Variants in DLG2 observed in about 807,000 individuals in gnomAD.
The protein encoded by DLG2 is disks large homolog 2.
Under a neutral mutation model 132.5 loss-of-function variants are expected in DLG2, and 45 were observed. The observed-to-expected ratio is 0.34, with a 90% CI of 0.27 to 0.44. The LOEUF is 0.44. Among genes scored for constraint, DLG2 ranks in the 20% least tolerant of loss-of-function variants. The probability of loss-of-function intolerance (pLI) is 1.00; values close to 1 mark genes in which losing one functional copy is unlikely to be tolerated. For missense variants in DLG2, 1,045 were observed against 1,196.9 expected, an observed-to-expected ratio of 0.87 and a Z score of 1.87; for synonymous variants, 424 against 419.6, an observed-to-expected ratio of 1.01 and a Z score of -0.13.
intron 6 of DLG2, among the ~76,000 whole-genome samples, chr11:84,835,784 T>C (rs1447890105): frequency 2.6e-5 from 4 of 151,792 alleles, no homozygotes; most frequent in Non-Finnish European, 5.9e-5. Context: ...TATATTTTAA[T>C]GCTATTTAAT....
At chr11:83,603,994 GC>G (rs1306255940) in intron 19 of DLG2, among the ~76,000 whole-genome samples, 2 of 152,088 alleles carry the variant, frequency 1.3e-5, no homozygotes, top group Non-Finnish European at 2.9e-5. Flanking sequence ...TCTCTAAACT[GC>G]TGGTATGAGT....
intron 21 of DLG2, among the ~76,000 whole-genome samples, chr11:83,495,660 C>T (rs567774899): frequency 6.6e-6 from 1 of 152,206 alleles, no homozygotes; most frequent in South Asian, 2.1e-4. Flanking sequence ...TGGCTCTCCC[C>T]AAAACAATAT....
rs563788092 is a variant in DLG2, at chr11:85,011,666, C to T, written c.357+99995G>A. Among the ~76,000 whole-genome samples the T allele has an allele frequency of 1.4e-3, 209 of 152,158 alleles. 1 individual carries two copies. The highest frequency in any genetic ancestry group is 4.8e-3 in the African/African-American group (201 of 41,526). ...GAGTTAAATTATTCTTAATGATTTC[C>T]TCTATAAGAAATTTTTCACTTCATG... On this transcript the variant is annotated intron_variant, in intron 6 of 27. Coordinates refer to ENST00000376104, the MANE Select transcript of DLG2 (RefSeq NM_001142699.3).
chr11:83,594,320 T>C (rs1344371830), intron 19 of DLG2, among the ~76,000 whole-genome samples: 1 of 152,234 alleles, frequency 6.6e-6, no homozygotes, highest in East Asian at 1.9e-4. Flanking sequence ...CCCTGATTGG[T>C]ATGTACTGTG....
chr11:85,465,308 T>A (rs1435922041), intron 3 of DLG2, among the ~76,000 whole-genome samples: 4 of 150,826 alleles, frequency 2.7e-5, no homozygotes, highest in African/African-American at 9.7e-5. Context: ...AACTGGCTAA[T>A]TTTTTTTTAA....
At chr11:85,444,985 G>C (rs1002961485) in intron 3 of DLG2, among the ~76,000 whole-genome samples, 1 of 152,154 alleles carries the variant, frequency 6.6e-6, no homozygotes, top group Non-Finnish European at 1.5e-5. Context: ...AAAAGGATTA[G>C]GAGGTTGAAT....
intron 4 of DLG2, among the ~76,000 whole-genome samples, chr11:85,255,835 C>G (rs1307179453): frequency 6.6e-6 from 1 of 152,004 alleles, no homozygotes; most frequent in Non-Finnish European, 1.5e-5. Flanking sequence ...AAAAAATGAG[C>G]AAGACTGAGT....
At chr11:84,146,409 T>C (rs1363016344) in intron 9 of DLG2, among the ~76,000 whole-genome samples, 1 of 152,200 alleles carries the variant, frequency 6.6e-6, no homozygotes, top group Non-Finnish European at 1.5e-5. Flanking sequence ...TTACATGATA[T>C]GTGATATTAC....
At chr11:83,537,804 T>A (rs2095924591) in intron 20 of DLG2, among the ~76,000 whole-genome samples, 1 of 51,036 alleles carries the variant, frequency 2.0e-5, no homozygotes, top group South Asian at 7.4e-4. Context: ...TGAGACTCTG[T>A]CTCAAAAAAA....
chr11:85,465,301 TG>T (rs1048586003), intron 3 of DLG2, among the ~76,000 whole-genome samples: 2 of 151,598 alleles, frequency 1.3e-5, no homozygotes, highest in African/African-American at 4.8e-5. Context: ...CCACTGCAAC[TG>T]GCTAATTTTT....
rs187651769 is a variant in DLG2, at chr11:83,805,278, A to G, written c.1723-18486T>C. ...TGAAATAGTTATTTTGTAGCGGGTT[A>G]AAAAATGGTTATTTTATAAATTCTT... On this transcript the variant is annotated intron_variant, in intron 17 of 27. Transcript: ENST00000376104. Among the ~76,000 whole-genome samples the G allele has an allele frequency of 2.3e-3, 345 of 152,166 alleles. 3 individuals carry two copies. The highest frequency in any genetic ancestry group is 0.01 in the Middle Eastern group (3 of 294).
intron 9 of DLG2, among the ~76,000 whole-genome samples, chr11:84,123,014 G>GA (rs553370448): frequency 1.4e-4 from 21 of 151,536 alleles, no homozygotes; most frequent in Non-Finnish European, 2.4e-4. Flanking sequence ...GAAAATATTG[G>GA]AAAAAAAACC....
intron 18 of DLG2, among the ~76,000 whole-genome samples, chr11:83,772,769 T>C (rs960801446): frequency 6.6e-6 from 1 of 152,038 alleles, no homozygotes; most frequent in African/African-American, 2.4e-5. Flanking sequence ...TCCTGTTAAG[T>C]GTTTTTTTCT....
intron 6 of DLG2, among the ~76,000 whole-genome samples, chr11:84,963,470 C>A (rs1332281607): frequency 2.6e-5 from 4 of 152,150 alleles, no homozygotes; most frequent in African/African-American, 9.7e-5. Flanking sequence ...AAGGTATCTG[C>A]AGAGGAACTC....
rs576699383 is a variant in DLG2 at position 84,543,181 on chromosome 11, T to C, written c.358-8450A>G. The stretch of plus-strand genomic sequence containing the variant: ...TGAATTCTCTGAATGATATCCTGAC[T>C]GGAGCACAGTTTTATTTCTGTTATT... On this transcript the variant is annotated intron_variant, in intron 6 of 27. Coordinates refer to ENST00000376104, the MANE Select transcript of DLG2 (RefSeq NM_001142699.3). 1.4e-4 allele frequency among the ~76,000 whole-genome samples: 22 copies of C among 152,372 alleles called. No individual in the cohort carries two copies. In the South Asian group the frequency reaches 4.6e-3, roughly 32 times the overall value.
chr11:83,751,951 G>A (rs2093337019), intron 18 of DLG2, among the ~76,000 whole-genome samples: 1 of 152,190 alleles, frequency 6.6e-6, no homozygotes, highest in Non-Finnish European at 1.5e-5. Context: ...CATGAGATCA[G>A]CAAGGGAGTA....
chr11:85,344,396 T>C (rs1335982304), intron 3 of DLG2, among the ~76,000 whole-genome samples: 2 of 152,178 alleles, frequency 1.3e-5, no homozygotes, highest in African/African-American at 4.8e-5. Flanking sequence ...AGAGGGCTTC[T>C]TTAGAGCCTA....
intron 14 of DLG2, among the ~76,000 whole-genome samples, chr11:83,942,991 G>A (rs1336477151): frequency 1.3e-5 from 2 of 152,108 alleles, no homozygotes; most frequent in Non-Finnish European, 2.9e-5. Flanking sequence ...TTCTCATGAT[G>A]GTGAATAAGT....
chr11:83,987,600 G>A (rs986090378), intron 11 of DLG2, among the ~76,000 whole-genome samples: 2 of 152,102 alleles, frequency 1.3e-5, no homozygotes, highest in Admixed American at 6.6e-5. Flanking sequence ...ATGGGGAAAT[G>A]ATTCCCAATT....
Sources: allele counts gnomAD v4.1 joint callset (sites outside exome capture counted in the v4.1 genomes callset), GRCh38; gene constraint gnomAD v4.1.1; transcripts MANE v1.5; gene names NCBI Gene and HGNC (gene_info 2026-07-23, HGNC 2026-07-21).